The following CRMP1 variants were observed in gnomAD, a reference collection of about 807,000 sequenced individuals.
The protein encoded by CRMP1 is collapsin response mediator protein 1.
In CRMP1, 19 loss-of-function variants were observed where a neutral mutation model predicts 68.3. That is an observed-to-expected ratio of 0.28 (90% CI 0.19 to 0.41). The LOEUF (loss-of-function observed/expected upper bound fraction) is 0.41. CRMP1 is among the 10% of genes least tolerant of loss of function. The probability of loss-of-function intolerance (pLI) is 1.00; values close to 1 mark genes in which losing one functional copy is unlikely to be tolerated. For missense variants in CRMP1, 791 were observed against 967.4 expected, an observed-to-expected ratio of 0.82 and a Z score of 2.42; for synonymous variants, 439 against 399.6, an observed-to-expected ratio of 1.10 and a Z score of -1.18.
intron 11 of CRMP1, among the ~76,000 whole-genome samples, chr4:5,832,203 A>AGGGTTTCTTTTCT (rs1245373704): frequency 3.9e-5 from 6 of 152,232 alleles, no homozygotes; most frequent in African/African-American, 1.4e-4. Flanking sequence ...TCATGGGTAC[A>AGGGTTTCTTTTCT]GGGTTTCTTT....
chr4:5,879,967 A>G lies in CRMP1; in HGVS notation c.381+12622T>C, dbSNP rs530761422. Among the ~76,000 whole-genome samples the G allele has an allele frequency of 5.3e-5, 8 of 152,344 alleles. No individual in the cohort carries two copies. In the East Asian group the frequency reaches 1.5e-3, roughly 29 times the overall value. On this transcript the variant is annotated intron_variant, in intron 1 of 13. Transcript: ENST00000324989. This position sits in a 1 kb window ranked among gnomAD's most constrained non-coding sequence, Gnocchi z 4.2. ...GAATAAAGAATTGGAGTGGTTTTGG[A>G]AAAGAGAAGGTCCTAAGTAATGGAG... is the stretch of plus-strand genomic sequence containing the variant.
rs1389249066 is a variant in CRMP1, at chr4:5,893,086, C to A, written c.-117G>T. ...GCCTGCGGCGGCCCGGGCGCGACTGCGGCCCAGGGAGGGGAGGGGCGGGGC... is the reference window on the plus strand; with the variant it reads ...GCCTGCGGCGGCCCGGGCGCGACTGAGGCCCAGGGAGGGGAGGGGCGGGGC... On this transcript the variant is annotated 5_prime_UTR_variant, in exon 1 of 14. Coordinates refer to ENST00000324989, the MANE Select transcript of CRMP1 (RefSeq NM_001014809.3). 10 of 676,488 alleles carry A rather than the reference C, an allele frequency of 1.5e-5. No individual in the cohort carries two copies. Among genetic ancestry groups the A allele is most frequent in the Admixed American group, 1.3e-4 (2 of 15,486 alleles). The allele number at this position is 676,488 out of a possible 1,614,324, so 41.9% of individuals were successfully genotyped here.
chr4:5,874,243 C>G (rs1191798163), intron 1 of CRMP1, among the ~76,000 whole-genome samples: 2 of 152,230 alleles, frequency 1.3e-5, no homozygotes, highest in Admixed American at 6.5e-5. Context: ...AAGTATCATT[C>G]AGCTACTACA....
At position 5,835,925 on chromosome 4, in the gene CRMP1, C is replaced by G. The variant is rs1720694977; in HGVS notation, c.1613G>C (p.Ser538Thr). ...TAGGCCAGGACTTACCGACTTGTGA[C>G]TTTTGGCTGTTATGGTCTTCAACTT... ...PDKLKTITAK[S>T]HKSAVEYNIF... The change falls in exon 11 of 14, where the codon AGT becomes ACT. Residue 538 changes from serine (S) to threonine (T), a missense_variant. Transcript: ENST00000324989. The G allele has an allele frequency of 6.4e-7, 1 of 1,551,848 alleles. No individual in the cohort carries two copies.
chr4:5,889,794 A>G lies in CRMP1; in HGVS notation c.381+2795T>C, dbSNP rs1284687396. The stretch of plus-strand genomic sequence containing the variant: ...GGGGGCTGGGGCCCTGACCTTCACC[A>G]CCCCAGGGGCCAGTCCCCTAATCCA... On this transcript the variant is annotated intron_variant, in intron 1 of 13. Coordinates refer to ENST00000324989, the MANE Select transcript of CRMP1 (RefSeq NM_001014809.3). The surrounding 1 kb of genome is among the most constrained non-coding windows in gnomAD (Gnocchi z 4.5). 1.3e-6 allele frequency: 2 copies of G among 1,523,118 alleles called. No homozygotes were observed. The highest frequency in any genetic ancestry group is 2.8e-5 in the African/African-American group (2 of 72,662). The allele number at this position is 1,523,118 out of a possible 1,614,324, so 94.4% of individuals were successfully genotyped here. A position where few individuals can be genotyped will look rare whatever the true frequency, so the allele number is the denominator to read the frequency against.
chr4:5,846,018 G>A (rs962071224), intron 6 of CRMP1, among the ~76,000 whole-genome samples: 2 of 152,160 alleles, frequency 1.3e-5, no homozygotes, highest in South Asian at 2.1e-4. Flanking sequence ...CTTTTAGGCT[G>A]GGCATGGTGG....
chr4:5,839,464 T>A, intron 9 of CRMP1, 58 bp downstream of exon 9: 1 of 1,551,022 alleles, frequency 6.4e-7, no homozygotes. Context: ...CACCATTAAC[T>A]CTCTGCCTCC....
chr4:5,885,147 CCAT>C (rs1218337943), intron 1 of CRMP1, among the ~76,000 whole-genome samples: 2 of 152,122 alleles, frequency 1.3e-5, no homozygotes, highest in Admixed American at 6.5e-5. Context: ...GAAGACACCA[CCAT>C]CATCGTCAAC....
intron 6 of CRMP1, among the ~76,000 whole-genome samples, chr4:5,846,920 C>T (rs1712260444): frequency 6.6e-6 from 1 of 151,768 alleles, no homozygotes; most frequent in South Asian, 2.1e-4. Context: ...TGGCTGATCC[C>T]TGAAATTCTA....
intron 1 of CRMP1, among the ~76,000 whole-genome samples, chr4:5,871,325 A>G (rs999294052): frequency 6.6e-6 from 1 of 152,204 alleles, no homozygotes; most frequent in Non-Finnish European, 1.5e-5. Flanking sequence ...TTTAGTAGGT[A>G]CAGGCCCAGA....
Position 5,860,972 on chromosome 4 carries a change from T to A in CRMP1, c.655+54A>T. ...CACTGAGCACTTGTGATGCTGGTGA[T>A]GGGGAGGAGACCTCACAGTCTATGT... On this transcript the variant is annotated intron_variant, in intron 3 of 13. Transcript: ENST00000324989. The surrounding 1 kb of genome is among the most constrained non-coding windows in gnomAD (Gnocchi z 4.2). 6.4e-7 allele frequency: 1 copy of A among 1,563,112 alleles called. No homozygotes were observed. Among genetic ancestry groups the A allele is most frequent in the South Asian group, 1.2e-5 (1 of 85,672 alleles).
In CRMP1 at chr4:5,877,753, C is replaced by G. The variant is rs147005661; in HGVS notation, c.382-10997G>C. On this transcript the variant is annotated intron_variant, in intron 1 of 13. Coordinates refer to ENST00000324989, the MANE Select transcript of CRMP1 (RefSeq NM_001014809.3). This position sits in a 1 kb window ranked among gnomAD's most constrained non-coding sequence, Gnocchi z 4.3. ...GACTTTTTTTCCCCCCGATATTATG[C>G]CTGTTTCCATGACAACTGCAGTTAT... 2.6e-5 allele frequency among the ~76,000 whole-genome samples: 4 copies of G among 152,296 alleles called. No individual in the cohort carries two copies. The highest frequency in any genetic ancestry group is 6.5e-5 in the Admixed American group (1 of 15,302).
intron 1 of CRMP1, chr4:5,887,504 G>A: frequency 1.4e-5 from 14 of 984,980 alleles, no homozygotes; most frequent in Non-Finnish European, 1.7e-5. Context: ...CCCACCCCGA[G>A]ACAAAGCGTA....
At position 5,842,739 on chromosome 4, in the gene CRMP1, A is replaced by G. The variant is rs1008308978; in HGVS notation, c.1032+354T>C. On this transcript the variant is annotated intron_variant, in intron 7 of 13. Coordinates refer to ENST00000324989, the MANE Select transcript of CRMP1 (RefSeq NM_001014809.3). This position sits in a 1 kb window ranked among gnomAD's most constrained non-coding sequence, Gnocchi z 4.5. ...AAGTCATCCTTTTTCAAGGCTTGGG[A>G]ACAGGGCAGGCAGTGGGAGTTGTCT... 6.6e-6 allele frequency among the ~76,000 whole-genome samples: 1 copy of G among 152,046 alleles called. No individual in the cohort carries two copies. Among genetic ancestry groups the G allele is most frequent in the Non-Finnish European group, 1.5e-5 (1 of 68,002 alleles).
chr4:5,845,875 G>C lies in CRMP1; in HGVS notation c.964-2714C>G, dbSNP rs188503171. Among the ~76,000 whole-genome samples, 883 of 152,276 alleles carry C rather than the reference G, an allele frequency of 5.8e-3. 5 individuals carry two copies. The highest frequency in any genetic ancestry group is 0.011 in the Admixed American group (165 of 15,304). ...GACATTGAGTCCTCACAGGAGGCAAGAAGCAGCCATAAACAGTCTTGCGAA... is the reference window on the plus strand; with the variant it reads ...GACATTGAGTCCTCACAGGAGGCAACAAGCAGCCATAAACAGTCTTGCGAA... On this transcript the variant is annotated intron_variant, in intron 6 of 13. Coordinates refer to ENST00000324989, the MANE Select transcript of CRMP1 (RefSeq NM_001014809.3).
In CRMP1 at chr4:5,860,354, T is replaced by G. The variant is rs187646574; in HGVS notation, c.655+672A>C. 2.7e-3 allele frequency among the ~76,000 whole-genome samples: 412 copies of G among 152,316 alleles called. 2 individuals carry two copies. The highest frequency in any genetic ancestry group is 9.4e-3 in the African/African-American group (390 of 41,566). On this transcript the variant is annotated intron_variant, in intron 3 of 13. Coordinates refer to ENST00000324989, the MANE Select transcript of CRMP1 (RefSeq NM_001014809.3). This position sits in a 1 kb window ranked among gnomAD's most constrained non-coding sequence, Gnocchi z 4.2. The stretch of plus-strand genomic sequence containing the variant: ...TCCAGAATGGGAGACCCATGGTGCC[T>G]GAATCCAACCCAAAGCTAAGCACAG...
chr4:5,830,602 AATT>A (rs1720302123), intron 11 of CRMP1, among the ~76,000 whole-genome samples: 2 of 152,320 alleles, frequency 1.3e-5, no homozygotes, highest in East Asian at 3.9e-4. Context: ...ATCGTTTCCT[AATT>A]CTAATTGTCT....
At position 5,887,954 on chromosome 4, in the gene CRMP1, T is replaced by A. The variant is rs568492733; in HGVS notation, c.381+4635A>T. The stretch of plus-strand genomic sequence containing the variant: ...CATCCTCCCTGTCCACGCCATCCTC[T>A]GGCACATCCCGTGGGGGGAGGGGGC... On this transcript the variant is annotated intron_variant, in intron 1 of 13. Coordinates refer to ENST00000324989, the MANE Select transcript of CRMP1 (RefSeq NM_001014809.3). The A allele has an allele frequency of 4.9e-5, 28 of 570,206 alleles. No individual in the cohort carries two copies. In the East Asian group the frequency reaches 1.0e-3, roughly 20 times the overall value. 35.3% of individuals were successfully genotyped at this position (570,206 alleles called of 1,614,324 possible).
chr4:5,832,491 T>C (rs544916431), intron 11 of CRMP1, among the ~76,000 whole-genome samples: 2 of 152,356 alleles, frequency 1.3e-5, no homozygotes, highest in South Asian at 4.1e-4. Flanking sequence ...GGTCAATATA[T>C]AAGGAATGAT....
Sources: allele counts gnomAD v4.1 joint callset (sites outside exome capture counted in the v4.1 genomes callset), GRCh38; gene constraint gnomAD v4.1.1; non-coding constraint Gnocchi (gnomAD v3.1); transcripts MANE v1.5; gene names NCBI Gene and HGNC (gene_info 2026-07-23, HGNC 2026-07-21).